Variants in ZFYVE1 observed in about 807,000 individuals in gnomAD.
ZFYVE1 encodes the protein zinc finger FYVE-type containing 1, also known as zinc finger FYVE domain-containing protein 1.
In ZFYVE1, 30 loss-of-function variants were observed where a neutral mutation model predicts 74.4. That is an observed-to-expected ratio of 0.40 (90% CI 0.30 to 0.55). ZFYVE1 has a LOEUF of 0.55. ZFYVE1 is among the 20% of genes least tolerant of loss of function. The pLI is 0.42. For missense variants in ZFYVE1, 703 were observed against 1,011.6 expected (o/e 0.69, Z 4.14); for synonymous variants, 335 against 385.1 (o/e 0.87, Z 1.52).
intron 2 of ZFYVE1, among the ~76,000 whole-genome samples, chr14:72,999,779 G>A (rs1252024481): frequency 6.6e-6 from 1 of 152,192 alleles, no homozygotes; most frequent in African/African-American, 2.4e-5. Flanking sequence ...AAACAAAGAG[G>A]CGGGGCATGG....
chr14:73,013,128 G>A (rs934441055), intron 2 of ZFYVE1, among the ~76,000 whole-genome samples: 7 of 152,104 alleles, frequency 4.6e-5, no homozygotes, highest in Non-Finnish European at 7.4e-5. Context: ...AGGAAATCAG[G>A]AAGGGACCGA....
At chr14:72,976,125 C>A (rs1893163953) in intron 8 of ZFYVE1, among the ~76,000 whole-genome samples, 1 of 152,146 alleles carries the variant, frequency 6.6e-6, no homozygotes, top group Non-Finnish European at 1.5e-5. Flanking sequence ...CTGACAATAA[C>A]TCTTTGTCAT....
At chr14:73,002,471 T>G in intron 2 of ZFYVE1, among the ~76,000 whole-genome samples, 1 of 2,640 alleles carries the variant, frequency 3.8e-4, no homozygotes, top group Non-Finnish European at 0.014. Flanking sequence ...GAGACGGAGT[T>G]TTTGCCTGTT....
intron 2 of ZFYVE1, among the ~76,000 whole-genome samples, chr14:73,013,896 A>G (rs541240644): frequency 6.6e-6 from 1 of 152,328 alleles, no homozygotes; most frequent in Admixed American, 6.5e-5. Context: ...TCCCCAGAAA[A>G]GTCTGACCAG....
chr14:73,024,405 T>C lies in ZFYVE1; in HGVS notation c.104A>G (p.Asp35Gly). The C allele has an allele frequency of 1.2e-6, 2 of 1,614,186 alleles. No individual in the cohort carries two copies. Among genetic ancestry groups the C allele is most frequent in the East Asian group, 2.2e-5 (1 of 44,882 alleles). ...GAGACACTGCAGACTGCAGCACTCA[T>C]CACACTCAAAGATAGCTTCATCAGT... is the stretch of plus-strand genomic sequence containing the variant. ...SGTDEAIFEC[D>G]ECCSLQCLRC... The change falls in exon 2 of 12, where the codon GAT (aspartate) becomes GGT (glycine). Residue 35 changes from aspartate to glycine, a missense_variant. Physicochemically the swap from Asp to Gly is moderately conservative, Grantham distance 94 (BLOSUM62 -1). This residue lies in a region of ZFYVE1 where 211 missense variants were observed against 221.7 expected (regional missense o/e 0.95). Coordinates refer to ENST00000556143, the MANE Select transcript of ZFYVE1 (RefSeq NM_021260.4).
chr14:73,009,099 T>A (rs1356163536), intron 2 of ZFYVE1, among the ~76,000 whole-genome samples: 1 of 152,100 alleles, frequency 6.6e-6, no homozygotes, highest in East Asian at 1.9e-4. Flanking sequence ...ACACAATTGA[T>A]CAATAAATGA....
At chr14:73,001,364 C>T (rs1283823766) in intron 2 of ZFYVE1, among the ~76,000 whole-genome samples, 1 of 151,970 alleles carries the variant, frequency 6.6e-6, no homozygotes, top group African/African-American at 2.4e-5. Flanking sequence ...TCCTAAAATC[C>T]ACAGTAGTCT....
intron 2 of ZFYVE1, among the ~76,000 whole-genome samples, chr14:73,018,262 C>T (rs556722054): frequency 6.6e-6 from 1 of 151,916 alleles, no homozygotes; most frequent in Non-Finnish European, 1.5e-5. Flanking sequence ...AAAACCCCAT[C>T]TCTACTAAAA....
Position 72,982,624 on chromosome 14 carries a change from C to T in ZFYVE1, c.1204-729G>A, listed in dbSNP as rs564107452. Among the ~76,000 whole-genome samples, 16 of 152,280 alleles carry T rather than the reference C, an allele frequency of 1.1e-4. No individual in the cohort carries two copies. The East Asian group carries it at 2.7e-3, about 26-fold the overall frequency. Reference sequence around the variant, plus strand: ...ATTCCTCAGGCTAATTACAGAAAGGCGCTTTCCACACTTTAGAAATCACTA... The same window carrying T: ...ATTCCTCAGGCTAATTACAGAAAGGTGCTTTCCACACTTTAGAAATCACTA... On this transcript the variant is annotated intron_variant, in intron 4 of 11. Coordinates refer to ENST00000556143, the MANE Select transcript of ZFYVE1 (RefSeq NM_021260.4).
In ZFYVE1 at chr14:72,975,819, C is replaced by T; in HGVS notation, c.1636-98G>A. The T allele has an allele frequency of 7.2e-7, 1 of 1,392,134 alleles. No homozygotes were observed. Among genetic ancestry groups the T allele is most frequent in the Non-Finnish European group, 9.9e-7 (1 of 1,012,914 alleles). 86.2% of individuals were successfully genotyped at this position (1,392,134 alleles called of 1,614,324 possible). ...TGAGTTGCACACTCACCGTGGCCAA[C>T]TCAGAACCACTAACTCCCTGGCAGG... On this transcript the variant is annotated intron_variant, in intron 8 of 11. Coordinates refer to ENST00000556143, the MANE Select transcript of ZFYVE1 (RefSeq NM_021260.4). The surrounding 1 kb of genome is among the most constrained non-coding windows in gnomAD (Gnocchi z 4.1).
rs199598305 is a variant in ZFYVE1 at position 72,997,924 on chromosome 14, G to C, written c.875C>G (p.Thr292Ser). The C allele has an allele frequency of 6.2e-7, 1 of 1,614,142 alleles. No individual in the cohort carries two copies. Among genetic ancestry groups the C allele is most frequent in the Non-Finnish European group, 8.5e-7 (1 of 1,180,016 alleles). Residue 292 changes from threonine to serine, a missense_variant, in exon 3 of 12, where the codon ACC becomes AGC. Around this residue, in one of 2 missense-constraint regions of ZFYVE1, gnomAD observed 492 missense variants for 790.0 expected, o/e 0.62. Coordinates refer to ENST00000556143, the MANE Select transcript of ZFYVE1 (RefSeq NM_021260.4). The part of the protein sequence containing the change: ...DASEAYLKHF[T>S]KELKATTARC... ...AGCAGTGGTGGCCTTGAGCTCCTTG[G>C]TGAAGTGCTTCAGATAAGCTTCTGA...
chr14:72,987,990 T>A (rs992051527), intron 4 of ZFYVE1, among the ~76,000 whole-genome samples: 3 of 152,142 alleles, frequency 2.0e-5, no homozygotes, highest in East Asian at 1.9e-4. Flanking sequence ...TGTCTCTCTC[T>A]CACACACACA....
Position 72,998,321 on chromosome 14 carries a change from A to G in ZFYVE1, c.484-6T>C, listed in dbSNP as rs778950926. Reference sequence around the variant, plus strand: ...AAGTCTTCTTCATTTGTTACCTGCAAAAAAAAAAAAAAAGACCATGAAATA... The same window carrying G: ...AAGTCTTCTTCATTTGTTACCTGCAGAAAAAAAAAAAAAGACCATGAAATA... On this transcript the variant is annotated splice_polypyrimidine_tract_variant and splice_region_variant and intron_variant, in intron 2 of 11. Transcript: ENST00000556143. 8.4e-7 allele frequency: 1 copy of G among 1,195,660 alleles called. No homozygotes were observed. Among genetic ancestry groups the G allele is most frequent in the Non-Finnish European group, 1.1e-6 (1 of 911,342 alleles). 74.1% of individuals were successfully genotyped at this position (1,195,660 alleles called of 1,614,324 possible).
intron 2 of ZFYVE1, among the ~76,000 whole-genome samples, chr14:73,016,372 G>A (rs977024642): frequency 8.5e-5 from 13 of 152,156 alleles, no homozygotes; most frequent in Admixed American, 5.2e-4. Flanking sequence ...TTAGCCAGGC[G>A]TGGTGGCGGG....
At chr14:72,974,328 C>G (rs2286835) in intron 10 of ZFYVE1, 135 bp from the exon 11 acceptor site, 67,526 of 808,718 alleles carry the variant, frequency 0.083, 3,352 homozygotes, top group East Asian at 0.16. Flanking sequence ...CTGCAAGGGT[C>G]TGTGCTGTGG....
intron 4 of ZFYVE1, among the ~76,000 whole-genome samples, chr14:72,984,215 T>C (rs61986500): frequency 0.13 from 19,575 of 152,052 alleles, 1,551 homozygotes; most frequent in East Asian, 0.2. Context: ...TCCTATACTT[T>C]TTGGGGGTAC....
At position 73,024,544 on chromosome 14, in the gene ZFYVE1, T is replaced by C; in HGVS notation, c.-36A>G. On this transcript the variant is annotated 5_prime_UTR_variant, in exon 2 of 12. Coordinates refer to ENST00000556143, the MANE Select transcript of ZFYVE1 (RefSeq NM_021260.4). ...GTAAGGAAACACACCCACCATATAA[T>C]AGTCACTGAGCTTGCCCCGGGGGTG... 6.5e-7 allele frequency: 1 copy of C among 1,545,610 alleles called. No homozygotes were observed. Among genetic ancestry groups the C allele is most frequent in the South Asian group, 1.3e-5 (1 of 79,478 alleles).
intron 2 of ZFYVE1, among the ~76,000 whole-genome samples, chr14:73,006,274 A>G (rs1381409053): frequency 6.8e-6 from 1 of 147,210 alleles, no homozygotes; most frequent in African/African-American, 2.5e-5. Flanking sequence ...ACTATCTAAT[A>G]TTGTACTAAT....
At chr14:73,001,462 CT>C (rs1238423027) in intron 2 of ZFYVE1, among the ~76,000 whole-genome samples, 1 of 152,106 alleles carries the variant, frequency 6.6e-6, no homozygotes, top group African/African-American at 2.4e-5. Flanking sequence ...AAGACATTGT[CT>C]ATGGCCATAC....
Sources: gnomAD v4.1 joint callset for allele counts (sites outside exome capture counted in the v4.1 genomes callset) on GRCh38, gnomAD v4.1.1 for gene constraint, gnomAD v4.1.1 regional missense constraint, Gnocchi (gnomAD v3.1) non-coding constraint, MANE v1.5 for transcripts, NCBI Gene and HGNC (gene_info 2026-07-23, HGNC 2026-07-21) for gene names.